Variants in NR5A2 observed in about 807,000 individuals in gnomAD.
The protein encoded by NR5A2 is nuclear receptor subfamily 5 group A member 2.
Under a neutral mutation model 62.7 loss-of-function variants are expected in NR5A2, and 26 were observed. That is an observed-to-expected ratio of 0.41 (90% CI 0.30 to 0.58). The LOEUF (loss-of-function observed/expected upper bound fraction) is 0.58. Among genes scored for constraint, NR5A2 ranks in the 20% least tolerant of loss-of-function variants. The pLI, the probability that NR5A2 is intolerant of heterozygous loss-of-function variation, is 0.22. For synonymous variants in NR5A2, 246 were observed against 241.7 expected (o/e 1.02, Z -0.16); for missense variants, 541 against 669.1 (o/e 0.81, Z 2.11).
chr1:200,073,913 A>C (rs527880543), intron 5 of NR5A2, among the ~76,000 whole-genome samples: 2 of 152,294 alleles, frequency 1.3e-5, no homozygotes, highest in East Asian at 3.9e-4. Context: ...CAATGGGTGT[A>C]TAACAGAGAC....
chr1:200,169,124 G>A (rs890429731), intron 7 of NR5A2, among the ~76,000 whole-genome samples: 6 of 151,890 alleles, frequency 4.0e-5, no homozygotes, highest in Non-Finnish European at 5.9e-5. Flanking sequence ...CCAGAGGATC[G>A]CTCAAGCCCA....
chr1:200,127,239 A>G (rs1666743201), intron 7 of NR5A2, among the ~76,000 whole-genome samples: 1 of 152,224 alleles, frequency 6.6e-6, no homozygotes, highest in Admixed American at 6.5e-5. Context: ...ATCAATGAGC[A>G]TATTAAAAAT....
intron 5 of NR5A2, among the ~76,000 whole-genome samples, chr1:200,094,437 A>T (rs972848498): frequency 1.3e-5 from 2 of 150,578 alleles, no homozygotes; most frequent in Non-Finnish European, 3.0e-5. Flanking sequence ...CATTTTTTGC[A>T]ACCTCCGAAA....
Position 200,043,900 on chromosome 1 carries a change from C to T in NR5A2, c.321+8C>T. 6.5e-7 allele frequency: 1 copy of T among 1,543,624 alleles called. No homozygotes were observed. The highest frequency in any genetic ancestry group is 8.9e-7 in the Non-Finnish European group (1 of 1,118,610). Reference sequence around the variant, plus strand: ...ACCTGTGAAAGCTGCAAGGTTTGCTCACACATTGCTACCTGAAAAATATAA... The same window carrying T: ...ACCTGTGAAAGCTGCAAGGTTTGCTTACACATTGCTACCTGAAAAATATAA... On this transcript the variant is annotated splice_region_variant and intron_variant, in intron 3 of 7. Transcript: ENST00000367362.
rs191508124 is a variant in NR5A2, at chr1:200,044,084, T to C, written c.321+192T>C. ...TTAGTTCAAAAGGCAAAGAAATTTA[T>C]GCTGTTTAGAAAACTTTGCCAGTCT... On this transcript the variant is annotated intron_variant, in intron 3 of 7. Coordinates refer to ENST00000367362, the MANE Select transcript of NR5A2 (RefSeq NM_205860.3). The C allele has an allele frequency of 3.5e-5, 16 of 452,420 alleles. No individual in the cohort carries two copies. The East Asian group carries it at 4.4e-4, about 12-fold the overall frequency. 28.0% of individuals were successfully genotyped at this position (452,420 alleles called of 1,614,324 possible).
At chr1:200,056,138 T>C (rs1662904910) in intron 5 of NR5A2, among the ~76,000 whole-genome samples, 2 of 152,238 alleles carry the variant, frequency 1.3e-5, no homozygotes, top group Admixed American at 1.3e-4. Flanking sequence ...TACATACGTA[T>C]ATTGCATGTG....
At chr1:200,041,338 G>T (rs998260931) in intron 2 of NR5A2, among the ~76,000 whole-genome samples, 2 of 152,186 alleles carry the variant, frequency 1.3e-5, no homozygotes, top group African/African-American at 4.8e-5. Context: ...TTTCTTTGGT[G>T]CCTGGGCTCA....
intron 5 of NR5A2, among the ~76,000 whole-genome samples, chr1:200,093,261 G>A (rs2737665): frequency 0.33 from 50,535 of 151,784 alleles, 9,393 homozygotes; most frequent in East Asian, 0.53. Flanking sequence ...TCAGGACTCA[G>A]GAGTCTCCCC....
rs545685898 is a variant in NR5A2 at position 200,132,403 on chromosome 1, G to A, written c.1378+11448G>A. Among the ~76,000 whole-genome samples the A allele has an allele frequency of 4.6e-5, 7 of 152,294 alleles. 1 individual carries two copies. The South Asian group carries it at 8.3e-4, about 18-fold the overall frequency. ...CCCAGGACACTGTTCTGAATAAGGC[G>A]TGGTACACCAAGCGAAGAGTCCAAA... On this transcript the variant is annotated intron_variant, in intron 7 of 7. Coordinates refer to ENST00000367362, the MANE Select transcript of NR5A2 (RefSeq NM_205860.3).
rs116175107 is a variant in NR5A2 at position 200,175,729 on chromosome 1, T to C, written c.*1519T>C. The C allele has an allele frequency of 6.6e-5, 10 of 152,666 alleles. No individual in the cohort carries two copies. Among genetic ancestry groups the C allele is most frequent in the African/African-American group, 2.4e-4 (10 of 41,578 alleles). The allele number at this position is 152,666 out of a possible 1,614,324, so 9.5% of individuals were successfully genotyped here. On this transcript the variant is annotated 3_prime_UTR_variant, in exon 8 of 8. Coordinates refer to ENST00000367362, the MANE Select transcript of NR5A2 (RefSeq NM_205860.3). Reference sequence around the variant, plus strand: ...GTTATTTTTCTGATTGGTAATTATTTTTAACAGTACTTAATTATTCTATGT... The same window carrying C: ...GTTATTTTTCTGATTGGTAATTATTCTTAACAGTACTTAATTATTCTATGT...
chr1:200,085,759 T>TG (rs1478597596), intron 5 of NR5A2, among the ~76,000 whole-genome samples: 2 of 152,118 alleles, frequency 1.3e-5, no homozygotes, highest in African/African-American at 2.4e-5. Flanking sequence ...GCGATTTTTG[T>TG]GGGGAATGTG....
Position 200,027,794 on chromosome 1 carries a change from T to C in NR5A2, c.-54T>C. ...GAAATTTGACAAGCTGCACTTTTCTTTTGCTCAATGATTTCTGCTTTAAGC... is the reference window on the plus strand; with the variant it reads ...GAAATTTGACAAGCTGCACTTTTCTCTTGCTCAATGATTTCTGCTTTAAGC... On this transcript the variant is annotated 5_prime_UTR_variant, in exon 1 of 8. Coordinates refer to ENST00000367362, the MANE Select transcript of NR5A2 (RefSeq NM_205860.3). 1.4e-6 allele frequency: 2 copies of C among 1,385,684 alleles called. No individual in the cohort carries two copies. The highest frequency in any genetic ancestry group is 2.0e-6 in the Non-Finnish European group (2 of 992,764). 85.8% of individuals were successfully genotyped at this position (1,385,684 alleles called of 1,614,324 possible). A position where few individuals can be genotyped will look rare whatever the true frequency, so the allele number is the denominator to read the frequency against.
intron 5 of NR5A2, among the ~76,000 whole-genome samples, chr1:200,101,573 T>C (rs1666568430): frequency 6.6e-6 from 1 of 152,210 alleles, no homozygotes; most frequent in African/African-American, 2.4e-5. Context: ...AGACCTCCTT[T>C]TCCTCCTCTA....
chr1:200,098,232 C>T (rs1665191678), intron 5 of NR5A2, among the ~76,000 whole-genome samples: 1 of 152,058 alleles, frequency 6.6e-6, no homozygotes, highest in Admixed American at 6.6e-5. Context: ...AGTTCATCTC[C>T]CAAACAGAAT....
intron 7 of NR5A2, among the ~76,000 whole-genome samples, chr1:200,138,936 A>G (rs558515239): frequency 2.5e-4 from 38 of 152,314 alleles, no homozygotes; most frequent in African/African-American, 8.9e-4. Context: ...CTGTTGTTCC[A>G]CAAAGAACCC....
At chr1:200,053,672 T>C (rs1202105858) in intron 5 of NR5A2, among the ~76,000 whole-genome samples, 1 of 151,970 alleles carries the variant, frequency 6.6e-6, no homozygotes, top group Admixed American at 6.6e-5. Context: ...AAAGCAAATC[T>C]CTAGGTTATC....
chr1:200,152,760 A>G (rs1416118783), intron 7 of NR5A2, among the ~76,000 whole-genome samples: 1 of 152,014 alleles, frequency 6.6e-6, no homozygotes, highest in Non-Finnish European at 1.5e-5. Context: ...ATTATGTGAG[A>G]ATTTTGCATT....
chr1:200,085,767 G>A (rs547959481), intron 5 of NR5A2, among the ~76,000 whole-genome samples: 2 of 152,168 alleles, frequency 1.3e-5, no homozygotes, highest in African/African-American at 4.8e-5. Flanking sequence ...TGTGGGGAAT[G>A]TGTTCGAATG....
intron 5 of NR5A2, among the ~76,000 whole-genome samples, chr1:200,084,113 G>A (rs989350629): frequency 6.6e-6 from 1 of 151,740 alleles, no homozygotes; most frequent in Non-Finnish European, 1.5e-5. Context: ...AACATTATAG[G>A]ACTTAGAGAT....
Sources: allele counts gnomAD v4.1 joint callset (sites outside exome capture counted in the v4.1 genomes callset), GRCh38; gene constraint gnomAD v4.1.1; transcripts MANE v1.5; gene names NCBI Gene and HGNC (gene_info 2026-07-23, HGNC 2026-07-21).